The following ADGRL2 variants were observed in gnomAD, a reference collection of about 807,000 sequenced individuals.
The protein encoded by ADGRL2 is adhesion G protein-coupled receptor L2, also known as calcium-independent alpha-latrotoxin receptor 2.
In ADGRL2, 44 loss-of-function variants were observed where a neutral mutation model predicts 157.4. That is an observed-to-expected ratio of 0.28 (90% CI 0.22 to 0.36). The LOEUF (loss-of-function observed/expected upper bound fraction) is 0.36. Ranked by LOEUF, ADGRL2 falls within the 10% of genes least tolerant of loss-of-function variation. ADGRL2 has a pLI of 1.00. For synonymous variants in ADGRL2, 585 were observed against 624.7 expected (o/e 0.94, Z 0.95); for missense variants, 1,510 against 1,768.9 (o/e 0.85, Z 2.63).
At chr1:81,457,427 C>T (rs991348178) in intron 2 of ADGRL2, among the ~76,000 whole-genome samples, 2 of 151,972 alleles carry the variant, frequency 1.3e-5, no homozygotes, top group African/African-American at 4.8e-5. Flanking sequence ...TACTAATCAG[C>T]TTATTGTTTC....
intron 2 of ADGRL2, among the ~76,000 whole-genome samples, chr1:81,905,213 C>G (rs1023901497): frequency 2.0e-5 from 3 of 151,614 alleles, no homozygotes; most frequent in African/African-American, 4.8e-5. Flanking sequence ...TTCTCCTGCC[C>G]CAGCCTCCCT....
At chr1:81,545,855 C>T (rs368070220) in intron 2 of ADGRL2, among the ~76,000 whole-genome samples, 1 of 152,084 alleles carries the variant, frequency 6.6e-6, no homozygotes, top group Non-Finnish European at 1.5e-5. Context: ...GTCATCTTGC[C>T]TCCTGCGGTA....
At chr1:81,968,342 C>A (rs1179060879) in intron 14 of ADGRL2, 143 bp downstream of exon 14, 3 of 695,210 alleles carry the variant, frequency 4.3e-6, no homozygotes, top group Non-Finnish European at 7.2e-6. Context: ...TCTACACTGT[C>A]CATAAATTTT....
rs1167873062 is a variant in ADGRL2, at chr1:81,923,473, T to C, written c.288-13255T>C. ...ATATTCAGGTGACAGGTGCTAAGGA[T>C]TGTTTTTGGCCTTCCCTACTTGCTC... is the stretch of plus-strand genomic sequence containing the variant. On this transcript the variant is annotated intron_variant, in intron 3 of 23. Transcript: ENST00000686636. Among the ~76,000 whole-genome samples the C allele has an allele frequency of 3.3e-5, 5 of 152,126 alleles. No homozygotes were observed. In the East Asian group the frequency reaches 9.7e-4, roughly 29 times the overall value.
intron 1 of ADGRL2, among the ~76,000 whole-genome samples, chr1:81,711,156 T>A (rs2083914412): frequency 6.6e-6 from 1 of 152,236 alleles, no homozygotes; most frequent in South Asian, 2.1e-4. Context: ...AAGTTCACAG[T>A]GACAGATACA....
At chr1:81,946,666 T>A (rs1001346785) in intron 6 of ADGRL2, among the ~76,000 whole-genome samples, 11 of 152,084 alleles carry the variant, frequency 7.2e-5, no homozygotes, top group Non-Finnish European at 1.2e-4. Flanking sequence ...CAGGAAAAAA[T>A]TTTTATAAAG....
intron 2 of ADGRL2, among the ~76,000 whole-genome samples, chr1:81,773,668 A>G (rs2149354821): frequency 6.6e-6 from 1 of 152,332 alleles, no homozygotes; most frequent in Admixed American, 6.5e-5. Flanking sequence ...TGACCTCAAA[A>G]GCAATGAAAG....
At chr1:81,628,301 C>T (rs1012885579) in intron 3 of ADGRL2, among the ~76,000 whole-genome samples, 23 of 152,272 alleles carry the variant, frequency 1.5e-4, no homozygotes, top group African/African-American at 4.3e-4. Flanking sequence ...CTGGGCTCTA[C>T]GTGTGCCCTC....
chr1:81,633,595 C>CAAA (rs369967142), intron 3 of ADGRL2, among the ~76,000 whole-genome samples: 4,221 of 50,078 alleles, frequency 0.084, 327 homozygotes, highest in Non-Finnish European at 0.12. Flanking sequence ...GACTCTGTCT[C>CAAA]AAAAAAAAAA....
chr1:81,802,550 A>G (rs894680188), intron 1 of ADGRL2, among the ~76,000 whole-genome samples: 1 of 152,108 alleles, frequency 6.6e-6, no homozygotes, highest in African/African-American at 2.4e-5. Flanking sequence ...GGTTAGGATG[A>G]GGCTCCCGTA....
intron 1 of ADGRL2, among the ~76,000 whole-genome samples, chr1:81,358,409 T>C (rs2075908381): frequency 1.3e-5 from 2 of 152,164 alleles, no homozygotes; most frequent in Admixed American, 1.3e-4. Context: ...AGTACAAGCA[T>C]TGAATCCAGA....
At chr1:81,421,174 C>A (rs146490161) in intron 1 of ADGRL2, among the ~76,000 whole-genome samples, 1 of 152,240 alleles carries the variant, frequency 6.6e-6, no homozygotes, top group African/African-American at 2.4e-5. Flanking sequence ...TCTCCTATTA[C>A]GTGTTTATTT....
At chr1:81,348,809 C>T (rs1662666740) in intron 1 of ADGRL2, among the ~76,000 whole-genome samples, 1 of 152,120 alleles carries the variant, frequency 6.6e-6, no homozygotes. Flanking sequence ...TAAACAATTA[C>T]ATTATATAAA....
chr1:81,466,664 C>G (rs1439182385), intron 2 of ADGRL2, among the ~76,000 whole-genome samples: 1 of 81,096 alleles, frequency 1.2e-5, no homozygotes, highest in Non-Finnish European at 2.7e-5. Context: ...TAACATCTCT[C>G]TCTCTCACGC....
intron 3 of ADGRL2, among the ~76,000 whole-genome samples, chr1:81,632,948 AT>A (rs546232371): frequency 4.0e-4 from 61 of 152,198 alleles, no homozygotes; most frequent in African/African-American, 1.4e-3. Context: ...GCTATAATAG[AT>A]TTTTTTATAT....
intron 2 of ADGRL2, among the ~76,000 whole-genome samples, chr1:81,864,925 G>T (rs985117657): frequency 2.0e-5 from 3 of 152,146 alleles, no homozygotes; most frequent in Non-Finnish European, 4.4e-5. Flanking sequence ...TGCAGAGGTT[G>T]CAGTGAGCCA....
chr1:81,390,211 T>C (rs1435944919), intron 1 of ADGRL2, among the ~76,000 whole-genome samples: 1 of 152,300 alleles, frequency 6.6e-6, no homozygotes, highest in Non-Finnish European at 1.5e-5. Flanking sequence ...TATTAATATT[T>C]TATGAGCATG....
At chr1:81,528,811 A>G (rs773602931) in intron 2 of ADGRL2, among the ~76,000 whole-genome samples, 1 of 152,242 alleles carries the variant, frequency 6.6e-6, no homozygotes, top group Non-Finnish European at 1.5e-5. Context: ...GCTGATGCAG[A>G]GGGAAAACCT....
chr1:81,786,719 T>C (rs2087066040), intron 2 of ADGRL2, among the ~76,000 whole-genome samples: 1 of 152,226 alleles, frequency 6.6e-6, no homozygotes, highest in Non-Finnish European at 1.5e-5. Context: ...ATCAACTACT[T>C]CTGGTAACTT....
Sources: allele counts gnomAD v4.1 joint callset (sites outside exome capture counted in the v4.1 genomes callset), GRCh38; gene constraint gnomAD v4.1.1; transcripts MANE v1.5; gene names NCBI Gene and HGNC (gene_info 2026-07-23, HGNC 2026-07-21).